Variants in PPARGC1A observed in about 807,000 individuals in gnomAD.
The protein encoded by PPARGC1A is peroxisome proliferator-activated receptor gamma coactivator 1-alpha.
Under a neutral mutation model 88.7 loss-of-function variants are expected in PPARGC1A, and 25 were observed. That is an observed-to-expected ratio of 0.28 (90% CI 0.21 to 0.39). The LOEUF is 0.39. PPARGC1A is among the 10% of genes least tolerant of loss of function. The pLI is 1.00. For missense variants in PPARGC1A, 880 were observed against 968.7 expected (o/e 0.91, Z 1.22); for synonymous variants, 363 against 355.6 (o/e 1.02, Z -0.24).
chr4:23,965,719 A>G, the PPARGC1A span, among the ~76,000 whole-genome samples: 1 of 152,072 alleles, frequency 6.6e-6, no homozygotes, highest in Admixed American at 6.6e-5. Context: ...TGGCCTTGCT[A>G]TGGGCCCTTC....
At chr4:24,156,877 A>G in the PPARGC1A span, among the ~76,000 whole-genome samples, 2 of 152,104 alleles carry the variant, frequency 1.3e-5, no homozygotes, top group Non-Finnish European at 2.9e-5. Context: ...TATTTTCATT[A>G]TAACTCTTCC....
In PPARGC1A at chr4:23,838,894, T is replaced by C. The variant is rs368351895; in HGVS notation, c.235-7143A>G. On this transcript the variant is annotated intron_variant, in intron 2 of 12. Transcript: ENST00000264867. ...CTTGAGTGCATTCTCTGATATTCAA[T>C]TGTAGTTGACTATAAAAAAATGTAT... is the stretch of plus-strand genomic sequence containing the variant. 3.6e-5 allele frequency among the ~76,000 whole-genome samples: 4 copies of C among 111,726 alleles called. No homozygotes were observed. The South Asian group carries it at 1.1e-3, about 32-fold the overall frequency. 73.3% of individuals were successfully genotyped at this position (111,726 alleles called of 152,430 possible).
chr4:24,395,431 T>G, the PPARGC1A span, among the ~76,000 whole-genome samples: 1 of 152,226 alleles, frequency 6.6e-6, no homozygotes, highest in African/African-American at 2.4e-5. Context: ...GACTGATCAC[T>G]GACAAATAAG....
chr4:23,957,129 G>T, the PPARGC1A span, among the ~76,000 whole-genome samples: 7 of 152,058 alleles, frequency 4.6e-5, no homozygotes, highest in African/African-American at 1.7e-4. Context: ...GACAGGCCAT[G>T]TCATTTCCTG....
the PPARGC1A span, among the ~76,000 whole-genome samples, chr4:24,408,935 TA>T: frequency 6.6e-6 from 1 of 152,210 alleles, no homozygotes; most frequent in East Asian, 1.9e-4. Flanking sequence ...AACTTTCTCT[TA>T]AAGATGTGTT....
At chr4:23,946,829 TACACAC>T in the PPARGC1A span, among the ~76,000 whole-genome samples, 2 of 150,138 alleles carry the variant, frequency 1.3e-5, no homozygotes, top group African/African-American at 2.4e-5. Context: ...CACACACACA[TACACAC>T]ACACACACAT....
chr4:24,356,599 GGACACAA>G, the PPARGC1A span, among the ~76,000 whole-genome samples: 1 of 152,152 alleles, frequency 6.6e-6, no homozygotes, highest in Non-Finnish European at 1.5e-5. Flanking sequence ...CAAATTAAAT[GGACACAA>G]ACTCCCTCTA....
the PPARGC1A span, among the ~76,000 whole-genome samples, chr4:24,305,052 AATC>A: frequency 1.3e-5 from 2 of 151,800 alleles, no homozygotes; most frequent in Non-Finnish European, 2.9e-5. Context: ...CAAGGATCAA[AATC>A]AATTAAATGA....
the PPARGC1A span, among the ~76,000 whole-genome samples, chr4:24,446,998 C>T: frequency 6.6e-6 from 1 of 152,162 alleles, no homozygotes; most frequent in Non-Finnish European, 1.5e-5. Flanking sequence ...TAGAGAAGGT[C>T]CTCAGCCTCT....
the PPARGC1A span, among the ~76,000 whole-genome samples, chr4:24,147,121 T>C: frequency 4.6e-5 from 7 of 152,138 alleles, no homozygotes; most frequent in African/African-American, 1.2e-4. Context: ...TGGGTTTTCA[T>C]TGACACCAAC....
intron 2 of PPARGC1A, among the ~76,000 whole-genome samples, chr4:23,854,301 C>T (rs1729812168): frequency 6.6e-6 from 1 of 152,148 alleles, no homozygotes; most frequent in African/African-American, 2.4e-5. Flanking sequence ...GAATTTTTAG[C>T]ATAGTTATGT....
chr4:24,258,333 G>A, the PPARGC1A span: 764 of 271,278 alleles, frequency 2.8e-3, no homozygotes, highest in Non-Finnish European at 3.6e-3. Context: ...AAGGCAATAA[G>A]GTTTTAAATT....
chr4:23,870,688 G>C (rs1713120675), intron 2 of PPARGC1A, among the ~76,000 whole-genome samples: 1 of 152,100 alleles, frequency 6.6e-6, no homozygotes, highest in Non-Finnish European at 1.5e-5. Flanking sequence ...CTCCATCTGA[G>C]GGAATTTTTC....
the PPARGC1A span, among the ~76,000 whole-genome samples, chr4:23,971,152 A>G: frequency 6.6e-6 from 1 of 152,192 alleles, no homozygotes; most frequent in Non-Finnish European, 1.5e-5. Flanking sequence ...TCATATGTAT[A>G]TACATATATT....
At chr4:24,257,970 C>T in the PPARGC1A span, among the ~76,000 whole-genome samples, 3 of 151,968 alleles carry the variant, frequency 2.0e-5, no homozygotes, top group East Asian at 5.8e-4. Context: ...ATCTAGTAAG[C>T]ATTGTTTGAA....
At chr4:24,018,966 T>C in the PPARGC1A span, among the ~76,000 whole-genome samples, 3 of 152,232 alleles carry the variant, frequency 2.0e-5, no homozygotes, top group Non-Finnish European at 4.4e-5. Flanking sequence ...CTAGGTATTA[T>C]TTTTCTATGT....
the PPARGC1A span, among the ~76,000 whole-genome samples, chr4:24,036,331 G>T: frequency 6.6e-6 from 1 of 152,062 alleles, no homozygotes; most frequent in Non-Finnish European, 1.5e-5. Flanking sequence ...AAAACCACTT[G>T]GCAGTGTTTA....
At chr4:24,295,640 A>G in the PPARGC1A span, among the ~76,000 whole-genome samples, 1 of 151,038 alleles carries the variant, frequency 6.6e-6, no homozygotes, top group Non-Finnish European at 1.5e-5. Context: ...CTATGAATAT[A>G]TATATTCATA....
chr4:24,085,100 T>A, the PPARGC1A span, among the ~76,000 whole-genome samples: 1 of 152,160 alleles, frequency 6.6e-6, no homozygotes. Flanking sequence ...CAATGTCCAA[T>A]CTAAAGCACT....
Sources: gnomAD v4.1 joint callset for allele counts (sites outside exome capture counted in the v4.1 genomes callset) on GRCh38, gnomAD v4.1.1 for gene constraint, MANE v1.5 for transcripts, NCBI Gene and HGNC (gene_info 2026-07-23, HGNC 2026-07-21) for gene names.